NKAIN1: variants seen among roughly 807,000 people sequenced by gnomAD.
NKAIN1 encodes the protein sodium/potassium-transporting ATPase subunit beta-1-interacting protein 1.
NKAIN1 carries 13 observed loss-of-function variants against 31.6 expected under a neutral mutation model. That is an observed-to-expected ratio of 0.41 (90% CI 0.27 to 0.65). NKAIN1 has a LOEUF of 0.65. Among genes scored for constraint, NKAIN1 ranks in the 30% least tolerant of loss-of-function variants. The pLI, the probability that NKAIN1 is intolerant of heterozygous loss-of-function variation, is 0.30. For missense variants in NKAIN1, 193 were observed against 262.2 expected, an observed-to-expected ratio of 0.74 and a Z score of 1.82; for synonymous variants, 104 against 109.0, an observed-to-expected ratio of 0.95 and a Z score of 0.28.
At chr1:31,203,177 A>T (rs554486970) in intron 1 of NKAIN1, among the ~76,000 whole-genome samples, 1 of 152,084 alleles carries the variant, frequency 6.6e-6, no homozygotes, top group South Asian at 2.1e-4. Context: ...AGGCAGGAGA[A>T]TCACTTGCAC....
chr1:31,188,307 A>C, intron 1 of NKAIN1, 120 bp from the exon 2 acceptor site: 9 of 1,073,992 alleles, frequency 8.4e-6, no homozygotes, highest in Non-Finnish European at 1.2e-5. Context: ...TAAGCCTCAG[A>C]ACAATCCAGT....
chr1:31,201,505 C>T (rs953459321), intron 1 of NKAIN1, among the ~76,000 whole-genome samples: 4 of 147,722 alleles, frequency 2.7e-5, no homozygotes, highest in Non-Finnish European at 6.0e-5. Context: ...ACTACAGGTG[C>T]CCGCCACCAT....
At chr1:31,195,939 GCCTTATCTATCTCAA>G (rs1005075168) in intron 1 of NKAIN1, among the ~76,000 whole-genome samples, 1 of 148,484 alleles carries the variant, frequency 6.7e-6, no homozygotes, top group African/African-American at 2.5e-5. Flanking sequence ...GCTGATATCA[GCCTTATCTATCTCAA>G]CACTCTCACC....
At chr1:31,185,620 T>C (rs1645236236) in intron 2 of NKAIN1, among the ~76,000 whole-genome samples, 2 of 152,168 alleles carry the variant, frequency 1.3e-5, no homozygotes, top group Admixed American at 6.5e-5. Context: ...TCAAATCAAG[T>C]TCTCTGATAG....
intron 1 of NKAIN1, among the ~76,000 whole-genome samples, chr1:31,237,747 C>T (rs1309778778): frequency 6.6e-6 from 1 of 152,068 alleles, no homozygotes; most frequent in African/African-American, 2.4e-5. Flanking sequence ...CTGCCCATCT[C>T]GCCCTCCCAA....
intron 1 of NKAIN1, among the ~76,000 whole-genome samples, chr1:31,206,826 G>A (rs1363669918): frequency 6.6e-6 from 1 of 151,814 alleles, no homozygotes; most frequent in African/African-American, 2.4e-5. Context: ...CCCAACCTCT[G>A]AGCCTCAAGA....
chr1:31,218,020 C>CTTTCTTTCTT (rs1553163604), intron 1 of NKAIN1, among the ~76,000 whole-genome samples: 2 of 73,814 alleles, frequency 2.7e-5, no homozygotes, highest in Admixed American at 3.0e-4. Context: ...CTACCATTTT[C>CTTTCTTTCTT]TTTCTTTCTT....
intron 1 of NKAIN1, among the ~76,000 whole-genome samples, chr1:31,228,363 T>G (rs111953338): frequency 4.3e-4 from 66 of 152,258 alleles, no homozygotes; most frequent in African/African-American, 1.5e-3. Flanking sequence ...GCCTAGAGAT[T>G]TCCATTTCCC....
rs1645718857 is a variant in NKAIN1 at position 31,239,621 on chromosome 1, C to T, written c.-74G>A. 2.4e-5 allele frequency: 21 copies of T among 860,214 alleles called. No individual in the cohort carries two copies. The highest frequency in any genetic ancestry group is 3.0e-5 in the Non-Finnish European group (21 of 698,820). The allele number at this position is 860,214 out of a possible 1,614,324, so 53.3% of individuals were successfully genotyped here. On this transcript the variant is annotated 5_prime_UTR_variant, in exon 1 of 7. Coordinates refer to ENST00000373736, the MANE Select transcript of NKAIN1 (RefSeq NM_024522.3). The surrounding 1 kb of genome is among the most constrained non-coding windows in gnomAD (Gnocchi z 4.8). ...GCGGCCGCCGCCTGCTCGCGCCGCGCGGGCTCCACGTCCTCCCCGCTGGGC... is the reference window on the plus strand; with the variant it reads ...GCGGCCGCCGCCTGCTCGCGCCGCGTGGGCTCCACGTCCTCCCCGCTGGGC...
At chr1:31,232,081 G>T (rs6702410) in intron 1 of NKAIN1, among the ~76,000 whole-genome samples, 2 of 147,880 alleles carry the variant, frequency 1.4e-5, no homozygotes, top group Non-Finnish European at 3.0e-5. Context: ...GCCCAGCTAA[G>T]TTTTTACCTT....
chr1:31,202,049 A>G (rs1335070157), intron 1 of NKAIN1, among the ~76,000 whole-genome samples: 1 of 152,188 alleles, frequency 6.6e-6, no homozygotes, highest in East Asian at 1.9e-4. Context: ...ATTAGCCCTC[A>G]GAGACCAGCT....
intron 1 of NKAIN1, among the ~76,000 whole-genome samples, chr1:31,198,509 C>T (rs1326622052): frequency 6.6e-6 from 1 of 152,122 alleles, no homozygotes; most frequent in South Asian, 2.1e-4. Context: ...TGTTCCACGT[C>T]CCCCACTCGC....
Position 31,218,071 on chromosome 1 carries a change from T to TCTTTCTTTCTTTC in NKAIN1, c.54+21422_54+21423insGAAAGAAAGAAAG, listed in dbSNP as rs201070152. On this transcript the variant is annotated intron_variant, in intron 1 of 6. Transcript: ENST00000373736. ...TTCTTTCTTTCTTTCTTTCTTTCTT[T>TCTTTCTTTCTTTC]TTTTTTTTTGAGATGGAGTCTCGCT... is the stretch of plus-strand genomic sequence containing the variant. 9.4e-3 allele frequency among the ~76,000 whole-genome samples: 1,252 copies of TCTTTCTTTCTTTC among 133,028 alleles called. 14 individuals carry two copies. The highest frequency in any genetic ancestry group is 0.027 in the Admixed American group (324 of 11,872). 87.3% of individuals were successfully genotyped at this position (133,028 alleles called of 152,430 possible).
chr1:31,226,438 C>T (rs1379369073), intron 1 of NKAIN1, among the ~76,000 whole-genome samples: 1 of 152,066 alleles, frequency 6.6e-6, no homozygotes, highest in Non-Finnish European at 1.5e-5. Flanking sequence ...TCTAAGGGAC[C>T]CTGGGACTCC....
chr1:31,190,500 G>T (rs1322008013), intron 1 of NKAIN1, among the ~76,000 whole-genome samples: 1 of 152,192 alleles, frequency 6.6e-6, no homozygotes, highest in Non-Finnish European at 1.5e-5. Flanking sequence ...GGCAGAATAG[G>T]CCTTTCTCAG....
At chr1:31,196,252 G>A (rs1379454854) in intron 1 of NKAIN1, among the ~76,000 whole-genome samples, 8 of 152,050 alleles carry the variant, frequency 5.3e-5, no homozygotes, top group African/African-American at 9.7e-5. Flanking sequence ...GGTGGCTCAC[G>A]CCTGTAATCC....
At chr1:31,183,307 C>T (rs1162518149) in intron 4 of NKAIN1, among the ~76,000 whole-genome samples, 1 of 152,106 alleles carries the variant, frequency 6.6e-6, no homozygotes, top group Non-Finnish European at 1.5e-5. Flanking sequence ...TAGTCTGATG[C>T]CTCATCCTAC....
At chr1:31,228,652 G>A (rs908556259) in intron 1 of NKAIN1, among the ~76,000 whole-genome samples, 2 of 151,930 alleles carry the variant, frequency 1.3e-5, no homozygotes, top group Non-Finnish European at 1.5e-5. Flanking sequence ...GGAGTACAGC[G>A]GCATGATCTC....
intron 4 of NKAIN1, 149 bp from the exon 5 acceptor site, chr1:31,182,739 C>T: frequency 1.4e-6 from 1 of 722,892 alleles, no homozygotes; most frequent in South Asian, 1.8e-5. Context: ...AATGTTTTCA[C>T]CTTAAAGTCA....
Sources: allele counts gnomAD v4.1 joint callset (sites outside exome capture counted in the v4.1 genomes callset), GRCh38; gene constraint gnomAD v4.1.1; non-coding constraint Gnocchi (gnomAD v3.1); transcripts MANE v1.5; gene names NCBI Gene and HGNC (gene_info 2026-07-23, HGNC 2026-07-21).